Variants in YAF2 observed in about 807,000 individuals in gnomAD.
YAF2 encodes the protein YY1 associated factor 2, also known as YY1-associated factor 2.
A neutral mutation model predicts 20.1 loss-of-function variants in YAF2; 7 were observed. The observed-to-expected ratio is 0.35, with a 90% CI of 0.20 to 0.65. The LOEUF (loss-of-function observed/expected upper bound fraction) is 0.65. Among genes scored for constraint, YAF2 ranks in the 30% least tolerant of loss-of-function variants. YAF2 has a pLI of 0.69. For synonymous variants in YAF2, 74 were observed against 76.0 expected, an observed-to-expected ratio of 0.97 and a Z score of 0.14; for missense variants, 151 against 219.2, an observed-to-expected ratio of 0.69 and a Z score of 1.96.
intron 2 of YAF2, chr12:42,210,362 T>C: frequency 1.3e-6 from 2 of 1,525,076 alleles, no homozygotes; most frequent in Admixed American, 2.0e-5. Context: ...TACCAGTAAC[T>C]TGAGTTATCC....
chr12:42,210,745 A>C, intron 2 of YAF2: 1 of 1,426,476 alleles, frequency 7.0e-7, no homozygotes, highest in Non-Finnish European at 9.3e-7. Flanking sequence ...ACTACAGAAG[A>C]AAGCATAAAT....
chr12:42,173,678 C>T (rs930990234), intron 2 of YAF2, among the ~76,000 whole-genome samples: 1 of 152,202 alleles, frequency 6.6e-6, no homozygotes, highest in South Asian at 2.1e-4. Flanking sequence ...ACAGCACCTT[C>T]TCCTTTCCAA....
chr12:42,206,602 C>T (rs1040071684), intron 2 of YAF2, among the ~76,000 whole-genome samples: 20 of 150,074 alleles, frequency 1.3e-4, no homozygotes, highest in African/African-American at 4.9e-4. Context: ...GAGTAAGACT[C>T]CATATTAAAA....
In YAF2 at chr12:42,160,550, G is replaced by C; in HGVS notation, c.*39C>G. 1 of 1,504,762 alleles carries C rather than the reference G, an allele frequency of 6.6e-7. No individual in the cohort carries two copies. Among genetic ancestry groups the C allele is most frequent in the Non-Finnish European group, 9.2e-7 (1 of 1,087,468 alleles). The allele number at this position is 1,504,762 out of a possible 1,614,324, so 93.2% of individuals were successfully genotyped here. A position where few individuals can be genotyped will look rare whatever the true frequency, so the allele number is the denominator to read the frequency against. ...TTGGCATAATCTGTGTATTTGCATG[G>C]TAGGACAGAAGTGACTAAGAAATTG... On this transcript the variant is annotated 3_prime_UTR_variant, in exon 4 of 4. Coordinates refer to ENST00000534854, the MANE Select transcript of YAF2 (RefSeq NM_005748.6).
intron 2 of YAF2, among the ~76,000 whole-genome samples, chr12:42,204,272 T>C (rs2066979180): frequency 6.6e-6 from 1 of 152,174 alleles, no homozygotes; most frequent in African/African-American, 2.4e-5. Flanking sequence ...AAACACGAAG[T>C]ATCACACGAC....
At chr12:42,203,409 A>G (rs1057044399) in intron 2 of YAF2, among the ~76,000 whole-genome samples, 1 of 152,064 alleles carries the variant, frequency 6.6e-6, no homozygotes, top group Non-Finnish European at 1.5e-5. Flanking sequence ...GTTCCTTTCC[A>G]ATCCTTTTGG....
rs181690154 is a variant in YAF2, at chr12:42,185,134, C to T, written c.153-23369G>A. Among the ~76,000 whole-genome samples, 10 of 152,228 alleles carry T rather than the reference C, an allele frequency of 6.6e-5. No homozygotes were observed. The East Asian group carries it at 1.4e-3, about 21-fold the overall frequency. Reference sequence around the variant, plus strand: ...CAAAGGCTGCAGTGGGCCAAGATCGCGCCACTGCACTCCAGCCTGGGCAAC... The same window carrying T: ...CAAAGGCTGCAGTGGGCCAAGATCGTGCCACTGCACTCCAGCCTGGGCAAC... On this transcript the variant is annotated intron_variant, in intron 2 of 3. Transcript: ENST00000534854.
At chr12:42,228,705 T>G (rs1342533495) in intron 2 of YAF2, among the ~76,000 whole-genome samples, 6 of 56,326 alleles carry the variant, frequency 1.1e-4, no homozygotes, top group East Asian at 6.2e-4. Flanking sequence ...GTCCGGGAGG[T>G]GAGGGGCGCC....
chr12:42,204,934 T>C (rs567001014), intron 2 of YAF2, among the ~76,000 whole-genome samples: 1 of 152,142 alleles, frequency 6.6e-6, no homozygotes, highest in African/African-American at 2.4e-5. Context: ...GAGATGAAAA[T>C]GTTCTAAAAA....
chr12:42,210,335 G>A (rs2067170390), intron 2 of YAF2: 2 of 1,479,410 alleles, frequency 1.4e-6, no homozygotes, highest in Non-Finnish European at 1.8e-6. Context: ...TCTCAGGTTT[G>A]TGAAAACTAG....
At chr12:42,172,936 A>G (rs1455494732) in intron 2 of YAF2, among the ~76,000 whole-genome samples, 1 of 152,232 alleles carries the variant, frequency 6.6e-6, no homozygotes, top group Non-Finnish European at 1.5e-5. Context: ...AAAATGTCCA[A>G]AATAGGCAAA....
chr12:42,205,285 T>C (rs938156606), intron 2 of YAF2, among the ~76,000 whole-genome samples: 1 of 152,060 alleles, frequency 6.6e-6, no homozygotes, highest in Non-Finnish European at 1.5e-5. Flanking sequence ...TGACTATCAG[T>C]CTCATCTATT....
Position 42,159,870 on chromosome 12 carries a change from C to T in YAF2, c.*719G>A, listed in dbSNP as rs867907870. On this transcript the variant is annotated 3_prime_UTR_variant, in exon 4 of 4. Transcript: ENST00000534854. The stretch of plus-strand genomic sequence containing the variant: ...AGTGTTCAATGACAATAGCACTAAA[C>T]CTGAATTATAAAGCTAAATAATCAA... The T allele has an allele frequency of 6.6e-6, 1 of 152,330 alleles. No individual in the cohort carries two copies. Among genetic ancestry groups the T allele is most frequent in the Admixed American group, 6.6e-5 (1 of 15,248 alleles). 9.4% of individuals were successfully genotyped at this position (152,330 alleles called of 1,614,324 possible).
chr12:42,226,863 G>T (rs1386861292), intron 2 of YAF2, among the ~76,000 whole-genome samples: 1 of 150,812 alleles, frequency 6.6e-6, no homozygotes, highest in Admixed American at 6.6e-5. Context: ...CGCGGCGCCG[G>T]AGGCCCCAGA....
intron 2 of YAF2, among the ~76,000 whole-genome samples, chr12:42,226,459 C>T (rs994541149): frequency 2.0e-5 from 3 of 152,080 alleles, no homozygotes; most frequent in African/African-American, 2.4e-5. Context: ...CCCAGGAGTT[C>T]GAGACCAGAC....
intron 2 of YAF2, among the ~76,000 whole-genome samples, chr12:42,186,563 G>A (rs1259487967): frequency 1.3e-5 from 2 of 151,264 alleles, no homozygotes; most frequent in Non-Finnish European, 3.0e-5. Context: ...GTAATCCCAA[G>A]CTACTTGGAA....
At chr12:42,210,156 A>C (rs915921755) in intron 2 of YAF2, among the ~76,000 whole-genome samples, 2 of 152,176 alleles carry the variant, frequency 1.3e-5, no homozygotes, top group Admixed American at 6.6e-5. Flanking sequence ...TTTAAAATTA[A>C]TGTCATACTT....
chr12:42,227,689 C>A (rs1470377674), intron 2 of YAF2, among the ~76,000 whole-genome samples: 2 of 149,626 alleles, frequency 1.3e-5, no homozygotes, highest in Admixed American at 6.6e-5. Flanking sequence ...CCGGCAGCCA[C>A]CCCATCTGGG....
At chr12:42,201,583 TTGTTGC>T (rs897361723) in intron 2 of YAF2, among the ~76,000 whole-genome samples, 5 of 152,188 alleles carry the variant, frequency 3.3e-5, no homozygotes, top group East Asian at 3.9e-4. Context: ...AATGTCTTTT[TTGTTGC>T]TGTTGCTGTT....
Sources: allele counts gnomAD v4.1 joint callset (sites outside exome capture counted in the v4.1 genomes callset), GRCh38; gene constraint gnomAD v4.1.1; transcripts MANE v1.5; gene names NCBI Gene and HGNC (gene_info 2026-07-23, HGNC 2026-07-21).